The following BMPR1B variants were observed in gnomAD, a reference collection of about 807,000 sequenced individuals.
The protein encoded by BMPR1B is bone morphogenetic protein receptor type 1B.
BMPR1B carries 12 observed loss-of-function variants against 59.1 expected under a neutral mutation model. The observed-to-expected ratio is 0.20, with a 90% CI of 0.13 to 0.33. BMPR1B has a LOEUF of 0.33. Ranked by LOEUF, BMPR1B falls within the 10% of genes least tolerant of loss-of-function variation. The pLI is 1.00. For missense variants in BMPR1B, 550 were observed against 610.9 expected (o/e 0.90, Z 1.05); for synonymous variants, 237 against 207.3 (o/e 1.14, Z -1.23).
At chr4:94,810,838 T>G (rs1723783628) in intron 1 of BMPR1B, among the ~76,000 whole-genome samples, 1 of 152,204 alleles carries the variant, frequency 6.6e-6, no homozygotes, top group Non-Finnish European at 1.5e-5. Flanking sequence ...TAGTTAATAC[T>G]GATTAGATTA....
At chr4:94,923,159 A>G (rs1280300516) in intron 2 of BMPR1B, among the ~76,000 whole-genome samples, 1 of 152,116 alleles carries the variant, frequency 6.6e-6, no homozygotes, top group African/African-American at 2.4e-5. Flanking sequence ...TTTGCTTTGT[A>G]ACTGTTCTAT....
chr4:94,970,816 A>T (rs187307981), intron 2 of BMPR1B, among the ~76,000 whole-genome samples: 3 of 152,110 alleles, frequency 2.0e-5, no homozygotes, highest in Non-Finnish European at 4.4e-5. Context: ...TCCAGCTATT[A>T]TGAAATATGC....
intron 1 of BMPR1B, among the ~76,000 whole-genome samples, chr4:94,830,501 A>C (rs759407414): frequency 6.6e-6 from 1 of 152,170 alleles, no homozygotes; most frequent in Non-Finnish European, 1.5e-5. Flanking sequence ...TGTAGCATAT[A>C]ATTTTAGATT....
In BMPR1B at chr4:95,083,037, CAAAAAAAAAA is replaced by C. The variant is rs1171888403; in HGVS notation, c.-17-21357_-17-21348del. ...TGGGCGACAGAGCAATACTCTGTCT[CAAAAAAAAAA>C]AAAAAAAAAAAAAGAATCATAATAT... On this transcript the variant is annotated intron_variant, in intron 3 of 12. Coordinates refer to ENST00000515059, the MANE Select transcript of BMPR1B (RefSeq NM_001203.3). 3.6e-3 allele frequency among the ~76,000 whole-genome samples: 219 copies of C among 60,634 alleles called. 1 individual carries two copies. The highest frequency in any genetic ancestry group is 0.015 in the African/African-American group (213 of 14,166). The allele number at this position is 60,634 out of a possible 152,430, so 39.8% of individuals were successfully genotyped here. A position where few individuals can be genotyped will look rare whatever the true frequency, so the allele number is the denominator to read the frequency against.
chr4:94,816,666 A>T (rs1020594587), intron 1 of BMPR1B, among the ~76,000 whole-genome samples: 2 of 152,116 alleles, frequency 1.3e-5, no homozygotes, highest in African/African-American at 2.4e-5. Flanking sequence ...CTTCTTAATT[A>T]AAAAAATCTA....
intron 12 of BMPR1B, 141 bp from the exon 13 acceptor site, chr4:95,154,407 T>C: frequency 8.5e-7 from 1 of 1,173,014 alleles, no homozygotes; most frequent in Non-Finnish European, 1.2e-6. Context: ...GAAAAAAGCT[T>C]ACAGAATTTT....
intron 1 of BMPR1B, among the ~76,000 whole-genome samples, chr4:94,854,854 GGT>G (rs1020627908): frequency 3.9e-5 from 6 of 152,038 alleles, no homozygotes; most frequent in African/African-American, 1.4e-4. Flanking sequence ...TCTGCTCTAG[GGT>G]TGTAAGCTTT....
At chr4:95,052,600 C>G (rs1175738907) in intron 3 of BMPR1B, among the ~76,000 whole-genome samples, 79 of 152,252 alleles carry the variant, frequency 5.2e-4, no homozygotes, top group African/African-American at 1.7e-3. Context: ...TATTATAGAA[C>G]TAACTTGGCT....
chr4:94,916,102 A>G (rs942298673), intron 2 of BMPR1B, among the ~76,000 whole-genome samples: 2 of 152,182 alleles, frequency 1.3e-5, no homozygotes, highest in Non-Finnish European at 2.9e-5. Flanking sequence ...TGAGCTGGTT[A>G]AACCTCTTTT....
chr4:94,837,431 C>T (rs180673321), intron 1 of BMPR1B, among the ~76,000 whole-genome samples: 4 of 128,404 alleles, frequency 3.1e-5, no homozygotes, highest in African/African-American at 1.2e-4. Flanking sequence ...CCTCTTATTT[C>T]GTTGAGCAGT....
chr4:94,909,295 C>T (rs1318515239), intron 2 of BMPR1B, among the ~76,000 whole-genome samples: 1 of 151,916 alleles, frequency 6.6e-6, no homozygotes, highest in Non-Finnish European at 1.5e-5. Context: ...TTGGGGGATA[C>T]TAACTTACTA....
chr4:94,853,898 T>C (rs1725659526), intron 1 of BMPR1B, among the ~76,000 whole-genome samples: 1 of 152,238 alleles, frequency 6.6e-6, no homozygotes, highest in South Asian at 2.1e-4. Context: ...ACTTTACTTA[T>C]CTCATTCTTA....
chr4:94,933,174 T>C (rs1729160543), intron 2 of BMPR1B, among the ~76,000 whole-genome samples: 2 of 152,224 alleles, frequency 1.3e-5, no homozygotes, highest in South Asian at 4.1e-4. Context: ...CATTTTTATT[T>C]CATTCATTTA....
chr4:94,991,287 A>G (rs1461915209), intron 2 of BMPR1B, among the ~76,000 whole-genome samples: 2 of 152,162 alleles, frequency 1.3e-5, no homozygotes, highest in Non-Finnish European at 2.9e-5. Flanking sequence ...TACTTCTGAG[A>G]GATCTCATGA....
At chr4:94,943,242 C>G (rs1044036232) in intron 2 of BMPR1B, among the ~76,000 whole-genome samples, 3 of 151,904 alleles carry the variant, frequency 2.0e-5, no homozygotes, top group Non-Finnish European at 4.4e-5. Context: ...CAGGTTCAAG[C>G]GCTTCTCCTG....
At chr4:94,884,722 A>T (rs1328719980) in intron 2 of BMPR1B, among the ~76,000 whole-genome samples, 1 of 152,198 alleles carries the variant, frequency 6.6e-6, no homozygotes, top group Admixed American at 6.5e-5. Flanking sequence ...ACAGATTATG[A>T]TTGAGTAAAT....
intron 2 of BMPR1B, among the ~76,000 whole-genome samples, chr4:94,923,415 T>C (rs906132221): frequency 2.0e-5 from 3 of 152,080 alleles, no homozygotes; most frequent in African/African-American, 7.2e-5. Flanking sequence ...AATATTGAAA[T>C]TGAAGGGAGT....
chr4:94,947,191 C>G (rs975033116), intron 2 of BMPR1B, among the ~76,000 whole-genome samples: 1 of 152,184 alleles, frequency 6.6e-6, no homozygotes, highest in African/African-American at 2.4e-5. Context: ...ATTATTGCCA[C>G]TCAAAAATGA....
chr4:94,757,955 A>G lies in BMPR1B; in HGVS notation c.-296A>G, dbSNP rs1262685972. On this transcript the variant is annotated 5_prime_UTR_variant, in exon 1 of 13. Transcript: ENST00000515059. ...CGGCGGCGGAGCGGCCGCGGCGGCC[A>G]GAAGTTGACGGCGCAGCCGGGCGCG... is the stretch of plus-strand genomic sequence containing the variant. 4 of 134,630 alleles carry G rather than the reference A, an allele frequency of 3.0e-5. No homozygotes were observed. Among genetic ancestry groups the G allele is most frequent in the Non-Finnish European group, 4.7e-5 (3 of 64,420 alleles). 8.3% of individuals were successfully genotyped at this position (134,630 alleles called of 1,614,324 possible). A position where few individuals can be genotyped will look rare whatever the true frequency, so the allele number is the denominator to read the frequency against.
Sources: allele counts gnomAD v4.1 joint callset (sites outside exome capture counted in the v4.1 genomes callset), GRCh38; gene constraint gnomAD v4.1.1; transcripts MANE v1.5; gene names NCBI Gene and HGNC (gene_info 2026-07-23, HGNC 2026-07-21).